CIAO3: variants seen among roughly 807,000 people sequenced by gnomAD.
The protein encoded by CIAO3 is LET1 like/JFP15.
Under a neutral mutation model 51.5 loss-of-function variants are expected in CIAO3, and 45 were observed. The observed-to-expected ratio is 0.87, with a 90% CI of 0.69 to 1.12. CIAO3 has a LOEUF of 1.12. Among genes scored for constraint, CIAO3 ranks in the 50% most tolerant of loss-of-function variants. CIAO3 has a pLI of 0.00. For synonymous variants in CIAO3, 314 were observed against 269.3 expected, an observed-to-expected ratio of 1.17 and a Z score of -1.63; for missense variants, 668 against 632.5, an observed-to-expected ratio of 1.06 and a Z score of -0.60.
chr16:737,362 C>A lies in CIAO3; in HGVS notation c.163-33G>T. ...GGAGAAGAACCCGGTGCACAGGGGC[C>A]CCCTCTGCACGAGGACATGGAGACA... On this transcript the variant is annotated intron_variant, in intron 2 of 10. Coordinates refer to ENST00000251588, the MANE Select transcript of CIAO3 (RefSeq NM_022493.3). The surrounding 1 kb of genome is among the most constrained non-coding windows in gnomAD (Gnocchi z 5.3). 1.2e-6 allele frequency: 2 copies of A among 1,611,084 alleles called. No individual in the cohort carries two copies. The highest frequency in any genetic ancestry group is 2.2e-5 in the South Asian group (2 of 91,008).
In CIAO3 at chr16:730,572, T is replaced by A; in HGVS notation, c.1276A>T (p.Met426Leu). 1 of 1,611,062 alleles carries A rather than the reference T, an allele frequency of 6.2e-7. No individual in the cohort carries two copies. The highest frequency in any genetic ancestry group is 1.3e-5 in the African/African-American group (1 of 75,080). ...TCCTCGGGCGCCTCAGCCCGGACCA[T>A]GCCGTACAGTCTCTCCACGTGCTGG... ...LLQHVERLYGMVRAEAPEDAP... is the reference protein window; with the variant it reads ...LLQHVERLYGLVRAEAPEDAP... The change falls in exon 11 of 11, where the codon ATG becomes TTG. Residue 426 changes from methionine (M) to leucine (L), a missense_variant. Transcript: ENST00000251588.
chr16:740,191 C>G, intron 1 of CIAO3: 1 of 1,079,070 alleles, frequency 9.3e-7, no homozygotes, highest in Non-Finnish European at 1.2e-6. Flanking sequence ...CCCAGAAAGC[C>G]GCCTCCCAGC....
chr16:733,533 G>A lies in CIAO3; in HGVS notation c.694-106C>T, dbSNP rs2041306589. The A allele has an allele frequency of 1.2e-5, 19 of 1,524,974 alleles. No homozygotes were observed. In the South Asian group the frequency reaches 1.8e-4, roughly 15 times the overall value. The allele number at this position is 1,524,974 out of a possible 1,614,324, so 94.5% of individuals were successfully genotyped here. A position where few individuals can be genotyped will look rare whatever the true frequency, so the allele number is the denominator to read the frequency against. ...CAGCCAGGCCGGACCCCGAGGGACA[G>A]TGAGCCTCACTCCATTTCCCAGCAA... On this transcript the variant is annotated intron_variant, in intron 6 of 10. Transcript: ENST00000251588.
chr16:731,706 G>C lies in CIAO3; in HGVS notation c.897-4C>G. 1 of 1,548,686 alleles carries C rather than the reference G, an allele frequency of 6.5e-7. No individual in the cohort carries two copies. Among genetic ancestry groups the C allele is most frequent in the Non-Finnish European group, 8.7e-7 (1 of 1,149,454 alleles). ...CTCTGCAGAGGCACCGCTGCACCTG[G>C]CAAGGAGGGAGGGGCCTCAGCACAG... On this transcript the variant is annotated splice_polypyrimidine_tract_variant and splice_region_variant and intron_variant, in intron 8 of 10. Coordinates refer to ENST00000251588, the MANE Select transcript of CIAO3 (RefSeq NM_022493.3).
intron 8 of CIAO3, 120 bp downstream of exon 8, chr16:732,181 C>G: frequency 9.0e-7 from 1 of 1,108,532 alleles, no homozygotes; most frequent in Non-Finnish European, 1.3e-6. Context: ...CCTGGCTATC[C>G]AGCCACTTCT....
At chr16:731,082 C>T in intron 9 of CIAO3, 82 bp from the exon 10 acceptor site, 3 of 1,557,856 alleles carry the variant, frequency 1.9e-6, no homozygotes, top group Non-Finnish European at 2.6e-6. Context: ...TGCTGGGCTT[C>T]AGGGGATGAC....
intron 2 of CIAO3, chr16:738,492 C>T (rs910090569): frequency 2.9e-5 from 7 of 238,284 alleles, no homozygotes; most frequent in African/African-American, 7.3e-5. Flanking sequence ...GGACTACAGG[C>T]GCCGGCCACC....
rs1309269281 is a variant in CIAO3, at chr16:730,493, T to C, written c.1355A>G (p.Glu452Gly). Residue 452 changes from glutamate to glycine, a missense_variant, in exon 11 of 11, where the codon GAG (glutamate) becomes GGG (glycine). Glu to Gly is a moderately conservative substitution (Grantham distance 98). Transcript: ENST00000251588. ...CGTATGCAGCAAGCGACCTGCACACTCCGAGTCCGTGCCCTGCAGCCAGTG... is the reference window on the plus strand; with the variant it reads ...CGTATGCAGCAAGCGACCTGCACACCCCGAGTCCGTGCCCTGCAGCCAGTG... The part of the protein sequence containing the change: ...YTHWLQGTDS[E>G]CAGRLLHTQY... 3.1e-6 allele frequency: 5 copies of C among 1,609,648 alleles called. No individual in the cohort carries two copies. The highest frequency in any genetic ancestry group is 4.2e-6 in the Non-Finnish European group (5 of 1,179,964).
intron 7 of CIAO3, chr16:732,624 CTCTTAGGCAG>C (rs2041296175): frequency 3.4e-6 from 2 of 579,948 alleles, no homozygotes; most frequent in South Asian, 3.3e-5. Context: ...TCTGTCCATC[CTCTTAGGCAG>C]TCTGCTTTTC....
intron 2 of CIAO3, chr16:738,414 T>C: frequency 5.0e-6 from 4 of 797,914 alleles, no homozygotes; most frequent in Non-Finnish European, 4.5e-6. Flanking sequence ...AGTGGTGCGA[T>C]CTCGGCTCAC....
chr16:730,539 C>G lies in CIAO3; in HGVS notation c.1309G>C (p.Gly437Arg). 6.2e-7 allele frequency: 1 copy of G among 1,610,952 alleles called. No individual in the cohort carries two copies. The highest frequency in any genetic ancestry group is 8.5e-7 in the Non-Finnish European group (1 of 1,180,000). ...CAGTGTGTGTACAGCTCCTGAACCC[C>G]AGGCGCGTCCTCGGGCGCCTCAGCC... Reference protein sequence around the residue: ...VRAEAPEDAPGVQELYTHWLQ... With the variant: ...VRAEAPEDAPRVQELYTHWLQ... Residue 437 changes from glycine (G) to arginine (R), a missense_variant, in exon 11 of 11, where the codon GGG becomes CGG. Physicochemically the swap from Gly to Arg is moderately radical, Grantham distance 125. Transcript: ENST00000251588.
chr16:739,586 A>G, intron 2 of CIAO3, 57 bp downstream of exon 2: 2 of 1,537,082 alleles, frequency 1.3e-6, no homozygotes, highest in African/African-American at 2.7e-5. Context: ...GAAGCAGAGA[A>G]AAGTGTTTCG....
At chr16:734,439 C>A in intron 5 of CIAO3, 92 bp from the exon 6 acceptor site, 1 of 936,234 alleles carries the variant, frequency 1.1e-6, no homozygotes, top group African/African-American at 1.6e-5. Context: ...GGCGGGCCCG[C>A]TCATACAGGA....
rs777003954 is a variant in CIAO3, at chr16:734,779, C to T, written c.532G>A (p.Asp178Asn). ...EFVRRFRGQA[D>N]CRQALPLLAS... Reference sequence around the variant, plus strand: ...AGCAGGGGCAGCGCCTGTCTGCAGTCGGCCTGTCCTCGGAATCGCCGCACA... The same window carrying T: ...AGCAGGGGCAGCGCCTGTCTGCAGTTGGCCTGTCCTCGGAATCGCCGCACA... The change falls in exon 5 of 11, where the codon GAC (aspartate) becomes AAC (asparagine). Residue 178 changes from aspartate (D) to asparagine (N), a missense_variant. Asp to Asn is a conservative substitution (Grantham distance 23). Transcript: ENST00000251588. 47 of 1,610,658 alleles carry T rather than the reference C, an allele frequency of 2.9e-5. No homozygotes were observed. Among genetic ancestry groups the T allele is most frequent in the Non-Finnish European group, 3.5e-5 (41 of 1,178,284 alleles).
In CIAO3 at chr16:730,961, G is replaced by T; in HGVS notation, c.1074C>A (p.Gly358=). 8.7e-6 allele frequency: 14 copies of T among 1,613,002 alleles called. No individual in the cohort carries two copies. The highest frequency in any genetic ancestry group is 1.0e-5 in the Non-Finnish European group (12 of 1,179,990). ...DFQEVTLEKE[G]QVLLHFAMAY... ...CCATTGCGAAGTGCAGCAGCACCTG[G>T]CCCTCCTTCTCCAGTGTCACCTCCT... The change falls in exon 10 of 11, where the codon GGC becomes GGA. Residue 358 remains glycine, a synonymous_variant. Transcript: ENST00000251588.
At chr16:733,742 G>C in intron 6 of CIAO3, 1 of 415,346 alleles carries the variant, frequency 2.4e-6, no homozygotes, top group Non-Finnish European at 4.5e-6. Context: ...GATGTCACGG[G>C]GGAACCAACC....
chr16:739,430 A>G lies in CIAO3; in HGVS notation c.162+213T>C. ...TCTGCAAATAGCCCCTCTGCTGAGCAGATCAAGCTGTTTGGCCTGGGTGCT... is the reference window on the plus strand; with the variant it reads ...TCTGCAAATAGCCCCTCTGCTGAGCGGATCAAGCTGTTTGGCCTGGGTGCT... On this transcript the variant is annotated intron_variant, in intron 2 of 10. Coordinates refer to ENST00000251588, the MANE Select transcript of CIAO3 (RefSeq NM_022493.3). The G allele has an allele frequency of 5.0e-6, 3 of 597,874 alleles. No individual in the cohort carries two copies. The East Asian group carries it at 8.4e-5, about 17-fold the overall frequency. 37.0% of individuals were successfully genotyped at this position (597,874 alleles called of 1,614,324 possible). A position where few individuals can be genotyped will look rare whatever the true frequency, so the allele number is the denominator to read the frequency against.
intron 4 of CIAO3, 125 bp downstream of exon 4, chr16:736,141 G>A: frequency 7.9e-7 from 1 of 1,271,854 alleles, no homozygotes; most frequent in Non-Finnish European, 1.1e-6. Flanking sequence ...AGGGAATAAA[G>A]TTTCTGTAGC....
At chr16:731,029 A>C (rs2041273623) in intron 9 of CIAO3, 29 bp from the exon 10 acceptor site, 1 of 1,610,148 alleles carries the variant, frequency 6.2e-7, no homozygotes, top group African/African-American at 1.3e-5. Context: ...GTTTGTCTAC[A>C]TGGCACACCC....
Sources: gnomAD v4.1 joint callset for allele counts on GRCh38, gnomAD v4.1.1 for gene constraint, Gnocchi (gnomAD v3.1) non-coding constraint, MANE v1.5 for transcripts, NCBI Gene and HGNC (gene_info 2026-07-23, HGNC 2026-07-21) for gene names.